Variants in SAXO1 observed in about 807,000 individuals in gnomAD.
SAXO1 encodes the protein 4930500O09Rik.
SAXO1 carries 21 observed loss-of-function variants against 17.5 expected under a neutral mutation model. The ratio of observed to expected loss-of-function variants is 1.20; its 90% CI spans 0.85 to 1.72. SAXO1 has a LOEUF of 1.72. Among genes scored for constraint, SAXO1 ranks in the 40% most tolerant of loss-of-function variants. The probability of loss-of-function intolerance (pLI) is 0.00; values close to 1 mark genes in which losing one functional copy is unlikely to be tolerated. For synonymous variants in SAXO1, 274 were observed against 216.5 expected (o/e 1.27, Z -2.33); for missense variants, 843 against 596.0 (o/e 1.41, Z -4.32).
chr9:18,959,727 C>T (rs184438274), intron 1 of SAXO1, among the ~76,000 whole-genome samples: 205 of 150,890 alleles, frequency 1.4e-3, no homozygotes, highest in Admixed American at 2.2e-3. Flanking sequence ...GCCAAGACTG[C>T]GACATTGCAC....
At chr9:18,950,029 G>C (rs1831966162) in intron 2 of SAXO1, among the ~76,000 whole-genome samples, 1 of 152,058 alleles carries the variant, frequency 6.6e-6, no homozygotes, top group Non-Finnish European at 1.5e-5. Context: ...TAGATCACCA[G>C]TCACAGGTCA....
chr9:19,023,165 G>A (rs983720490), intron 1 of SAXO1, among the ~76,000 whole-genome samples: 3 of 15,400 alleles, frequency 1.9e-4, no homozygotes, highest in African/African-American at 7.1e-4. Context: ...CCGCCCCACC[G>A]GAGTTAATTC....
At chr9:18,962,634 G>A (rs372628013) in intron 1 of SAXO1, among the ~76,000 whole-genome samples, 8 of 145,300 alleles carry the variant, frequency 5.5e-5, no homozygotes, top group African/African-American at 1.8e-4. Context: ...TGTTCATATC[G>A]TTCACCCACT....
chr9:19,046,783 T>C (rs1836228116), intron 1 of SAXO1, among the ~76,000 whole-genome samples: 1 of 152,054 alleles, frequency 6.6e-6, no homozygotes, highest in African/African-American at 2.4e-5. Flanking sequence ...TGAGGATCCC[T>C]TGAGCCGAGG....
At chr9:19,009,660 C>T (rs999208007) in intron 1 of SAXO1, among the ~76,000 whole-genome samples, 8 of 152,082 alleles carry the variant, frequency 5.3e-5, no homozygotes, top group African/African-American at 9.7e-5. Flanking sequence ...TGGTGTTATT[C>T]CCCAAGTGGA....
chr9:19,035,954 T>A (rs1304192570), upstream of SAXO1, among the ~76,000 whole-genome samples: 1 of 152,046 alleles, frequency 6.6e-6, no homozygotes, highest in Non-Finnish European at 1.5e-5. Context: ...AAAATTTGCA[T>A]CCTGACAATG....
At chr9:18,960,243 C>T (rs1887447) in intron 1 of SAXO1, among the ~76,000 whole-genome samples, 82,465 of 152,004 alleles carry the variant, frequency 0.54, 25,805 homozygotes, top group Non-Finnish European at 0.7. Flanking sequence ...TAGGATTTTG[C>T]CAATGGCCTC....
intron 1 of SAXO1, among the ~76,000 whole-genome samples, chr9:19,002,619 A>G (rs557083374): frequency 6.6e-6 from 1 of 152,370 alleles, no homozygotes; most frequent in East Asian, 1.9e-4. Context: ...AATCCATCAC[A>G]TGAACAGAAC....
chr9:19,037,156 G>A (rs537326270), upstream of SAXO1, among the ~76,000 whole-genome samples: 11 of 152,256 alleles, frequency 7.2e-5, no homozygotes, highest in South Asian at 4.1e-4. Flanking sequence ...ACCTATATCC[G>A]CATTTTATCT....
intron 1 of SAXO1, among the ~76,000 whole-genome samples, chr9:18,976,209 C>G (rs1833145400): frequency 6.6e-6 from 1 of 152,172 alleles, no homozygotes; most frequent in Admixed American, 6.5e-5. Flanking sequence ...CAGCTGAGTA[C>G]TGAGTAGAGT....
At chr9:18,966,901 T>C (rs1323235429) in intron 1 of SAXO1, among the ~76,000 whole-genome samples, 2 of 152,248 alleles carry the variant, frequency 1.3e-5, no homozygotes, top group Non-Finnish European at 2.9e-5. Context: ...TAATCTTTGA[T>C]GTTGGTGACC....
Position 19,025,920 on chromosome 9 carries a change from C to A in SAXO1, c.38+6951G>T, listed in dbSNP as rs149595777. Among the ~76,000 whole-genome samples, 282 of 151,962 alleles carry A rather than the reference C, an allele frequency of 1.9e-3. 1 individual carries two copies. The highest frequency in any genetic ancestry group is 6.6e-3 in the African/African-American group (273 of 41,430). On this transcript the variant is annotated intron_variant, in intron 1 of 3. Transcript: ENST00000380534. ...TCAGATACTATTTTCTCAGTTGGAC[C>A]AGAGCCTTCATATTGTACTCTACAA...
chr9:18,943,294 C>T (rs1380408009), intron 2 of SAXO1, among the ~76,000 whole-genome samples: 1 of 152,194 alleles, frequency 6.6e-6, no homozygotes, highest in African/African-American at 2.4e-5. Context: ...ATAGGACATT[C>T]AGCCTGGGCT....
intron 1 of SAXO1, among the ~76,000 whole-genome samples, chr9:19,045,717 T>A (rs1836197239): frequency 6.6e-6 from 1 of 152,218 alleles, no homozygotes; most frequent in Non-Finnish European, 1.5e-5. Context: ...CCCAGTCATT[T>A]TAATGAACCT....
chr9:18,951,043 T>G, intron 1 of SAXO1, 106 bp from the exon 2 acceptor site: 2 of 1,153,006 alleles, frequency 1.7e-6, no homozygotes, highest in Non-Finnish European at 2.5e-6. Flanking sequence ...ATCATGTGAC[T>G]GCCAACATTG....
At chr9:18,960,380 A>G (rs1832435117) in intron 1 of SAXO1, among the ~76,000 whole-genome samples, 1 of 152,074 alleles carries the variant, frequency 6.6e-6, no homozygotes, top group Non-Finnish European at 1.5e-5. Context: ...CCTTTTTATG[A>G]GGCCCGGGGA....
intron 1 of SAXO1, among the ~76,000 whole-genome samples, chr9:18,975,322 C>T (rs573755336): frequency 6.6e-6 from 1 of 152,276 alleles, no homozygotes; most frequent in South Asian, 2.1e-4. Context: ...TCTTATGGAC[C>T]ATGCTTAGAA....
intron 1 of SAXO1, among the ~76,000 whole-genome samples, chr9:18,974,627 G>A (rs908196075): frequency 6.6e-6 from 1 of 152,152 alleles, no homozygotes; most frequent in African/African-American, 2.4e-5. Context: ...GGAATAATTT[G>A]AGTATTAAAA....
intron 1 of SAXO1, among the ~76,000 whole-genome samples, chr9:19,029,681 A>G (rs553147886): frequency 5.3e-5 from 8 of 152,336 alleles, no homozygotes; most frequent in East Asian, 3.9e-4. Context: ...AACACTCCCT[A>G]TCTGCATGTG....
Sources: gnomAD v4.1 joint callset for allele counts (sites outside exome capture counted in the v4.1 genomes callset) on GRCh38, gnomAD v4.1.1 for gene constraint, MANE v1.5 for transcripts, NCBI Gene and HGNC (gene_info 2026-07-23, HGNC 2026-07-21) for gene names.